JAG1: variants seen among roughly 807,000 people sequenced by gnomAD.
JAG1 encodes protein jagged-1.
In JAG1, 23 loss-of-function variants were observed where a neutral mutation model predicts 148.7. The ratio of observed to expected loss-of-function variants is 0.15; its 90% CI spans 0.11 to 0.22. The LOEUF is 0.22. Ranked by LOEUF, JAG1 falls within the 10% of genes least tolerant of loss-of-function variation. The pLI, the probability that JAG1 is intolerant of heterozygous loss-of-function variation, is 1.00. For synonymous variants in JAG1, 572 were observed against 598.3 expected, an observed-to-expected ratio of 0.96 and a Z score of 0.64; for missense variants, 1,054 against 1,611.2, an observed-to-expected ratio of 0.65 and a Z score of 5.92.
At chr20:10,658,870 AC>A in intron 3 of JAG1, 148 bp from the exon 4 acceptor site, 2 of 788,806 alleles carry the variant, frequency 2.5e-6, no homozygotes, top group Non-Finnish European at 4.1e-6. Flanking sequence ...TTATGCCCCT[AC>A]CCAGAGACAA....
At chr20:10,669,706 C>T (rs6133987) in intron 2 of JAG1, among the ~76,000 whole-genome samples, 26,123 of 151,898 alleles carry the variant, frequency 0.17, 2,762 homozygotes, top group Middle Eastern at 0.31. Flanking sequence ...CTGGGGCCAC[C>T]GATGCAGCAA....
chr20:10,669,266 CTCTT>C (rs1403435512), intron 2 of JAG1, among the ~76,000 whole-genome samples: 3 of 152,084 alleles, frequency 2.0e-5, no homozygotes, highest in Admixed American at 1.3e-4. Context: ...TACACACATG[CTCTT>C]TCTTTGTATA....
chr20:10,647,874 C>A, intron 13 of JAG1, 86 bp downstream of exon 13: 3 of 1,425,244 alleles, frequency 2.1e-6, no homozygotes, highest in Non-Finnish European at 3.0e-6. Context: ...TACATTACTT[C>A]TCAAGTGTAA....
In JAG1 at chr20:10,673,390, AG is replaced by A; in HGVS notation, c.81+59del. 2.4e-6 allele frequency: 3 copies of A among 1,250,776 alleles called. No individual in the cohort carries two copies. The highest frequency in any genetic ancestry group is 3.2e-6 in the Non-Finnish European group (3 of 929,306). 77.5% of individuals were successfully genotyped at this position (1,250,776 alleles called of 1,614,324 possible). A position where few individuals can be genotyped will look rare whatever the true frequency, so the allele number is the denominator to read the frequency against. ...GCCTGCTCGCGGGGCTCAACCGCCCAGGGCGCCGCGAGGGGAGGGAGAGGAC... is the reference window on the plus strand; with the variant it reads ...GCCTGCTCGCGGGGCTCAACCGCCCAGGCGCCGCGAGGGGAGGGAGAGGAC... On this transcript the variant is annotated intron_variant, in intron 1 of 25. Coordinates refer to ENST00000254958, the MANE Select transcript of JAG1 (RefSeq NM_000214.3). This position sits in a 1 kb window ranked among gnomAD's most constrained non-coding sequence, Gnocchi z 4.7.
At position 10,645,123 on chromosome 20, in the gene JAG1, C is replaced by T. The variant is rs2067299133; in HGVS notation, c.2227+20G>A. 1 of 1,591,612 alleles carries T rather than the reference C, an allele frequency of 6.3e-7. No individual in the cohort carries two copies. The highest frequency in any genetic ancestry group is 1.1e-5 in the South Asian group (1 of 90,588). On this transcript the variant is annotated intron_variant, in intron 17 of 25. Coordinates refer to ENST00000254958, the MANE Select transcript of JAG1 (RefSeq NM_000214.3). The surrounding 1 kb of genome is among the most constrained non-coding windows in gnomAD (Gnocchi z 6.1). ...AGGTGGCCATGCCCACTGCAGATCCCACGTGGGGCATAAAGTTACCTATGT... is the reference window on the plus strand; with the variant it reads ...AGGTGGCCATGCCCACTGCAGATCCTACGTGGGGCATAAAGTTACCTATGT...
In JAG1 at chr20:10,648,011, C is replaced by T; in HGVS notation, c.1669G>A (p.Gly557Ser). The T allele has an allele frequency of 6.2e-7, 1 of 1,614,146 alleles. No homozygotes were observed. The highest frequency in any genetic ancestry group is 8.5e-7 in the Non-Finnish European group (1 of 1,180,030). ...YFCKCPEDYE[G>S]KNCSHLKDHC... ...TCTTTCAGGTGTGAGCAGTTCTTGCCCTCATAGTCCTCGGGGCACTTGCAG... is the reference window on the plus strand; with the variant it reads ...TCTTTCAGGTGTGAGCAGTTCTTGCTCTCATAGTCCTCGGGGCACTTGCAG... Residue 557 changes from glycine to serine, a missense_variant, in exon 13 of 26, where the codon GGC becomes AGC. Transcript: ENST00000254958.
intron 5 of JAG1, among the ~76,000 whole-genome samples, chr20:10,654,105 G>T (rs1336670052): frequency 2.6e-5 from 4 of 152,232 alleles, no homozygotes; most frequent in Non-Finnish European, 4.4e-5. Flanking sequence ...CTGAAAGATA[G>T]TAAGAGGGAA....
intron 19 of JAG1, 55 bp from the exon 20 acceptor site, chr20:10,643,918 G>T: frequency 7.5e-7 from 1 of 1,331,580 alleles, no homozygotes; most frequent in Non-Finnish European, 1.1e-6. Context: ...TACTCTGGCT[G>T]CCAATCACTC....
In JAG1 at chr20:10,641,080, G is replaced by A. The variant is rs762679419; in HGVS notation, c.3048+33C>T. On this transcript the variant is annotated intron_variant, in intron 24 of 25. Transcript: ENST00000254958. ...TGGTTAACCGAACTGCCTTGCCATCGAATAATGAGGTGTGAATGGGTCTTA... is the reference window on the plus strand; with the variant it reads ...TGGTTAACCGAACTGCCTTGCCATCAAATAATGAGGTGTGAATGGGTCTTA... 1.2e-5 allele frequency: 20 copies of A among 1,613,732 alleles called. No homozygotes were observed. The East Asian group carries it at 1.3e-4, about 11-fold the overall frequency.
chr20:10,644,276 TCACACACACACACACACACACACA>T, intron 19 of JAG1, 57 bp downstream of exon 19: 3 of 882,910 alleles, frequency 3.4e-6, no homozygotes, highest in South Asian at 1.4e-5. Context: ...TGGGTGATTC[TCACACACACACACACACACACACA>T]CACACACACA....
intron 8 of JAG1, 129 bp from the exon 9 acceptor site, chr20:10,650,489 A>G: frequency 1.4e-6 from 1 of 694,286 alleles, no homozygotes; most frequent in Non-Finnish European, 2.6e-6. Flanking sequence ...GGAAAGCTAC[A>G]GCAGGACAAG....
At chr20:10,655,133 C>A (rs2067370249) in intron 5 of JAG1, among the ~76,000 whole-genome samples, 1 of 152,164 alleles carries the variant, frequency 6.6e-6, no homozygotes, top group South Asian at 2.1e-4. Flanking sequence ...AGAGACAATT[C>A]GGGACAACCA....
intron 3 of JAG1, chr20:10,662,248 A>C (rs1023209446): frequency 1.3e-5 from 2 of 152,104 alleles, no homozygotes; most frequent in African/African-American, 4.8e-5. Context: ...CCCCCCCAGG[A>C]GATGAAACAT....
In JAG1 at chr20:10,646,998, G is replaced by A. The variant is rs199505265; in HGVS notation, c.1826C>T (p.Ser609Leu). The A allele has an allele frequency of 1.0e-4, 164 of 1,614,014 alleles. No homozygotes were observed. The highest frequency in any genetic ancestry group is 1.3e-4 in the Non-Finnish European group (153 of 1,180,002). Residue 609 changes from serine (S) to leucine (L), a missense_variant, in exon 14 of 26, where the codon TCG becomes TTG. Physicochemically the swap from Ser to Leu is moderately radical, Grantham distance 145. Coordinates refer to ENST00000254958, the MANE Select transcript of JAG1 (RefSeq NM_000214.3). ...ACAGTCACAGGTGAATTTGCCTCCC[G>A]ACTGACTCTTGCACTTCCCGTGAGG... Reference protein sequence around the residue: ...CGPHGKCKSQSGGKFTCDCNK... With the variant: ...CGPHGKCKSQLGGKFTCDCNK...
chr20:10,644,423 A>G (rs1785331817), intron 18 of JAG1, 39 bp from the exon 19 acceptor site: 2 of 1,575,792 alleles, frequency 1.3e-6, no homozygotes, highest in Admixed American at 1.7e-5. Context: ...GGACTTCAAC[A>G]GGGAAAGCGG....
At chr20:10,659,732 TTTC>T in intron 3 of JAG1, among the ~76,000 whole-genome samples, 1 of 140,438 alleles carries the variant, frequency 7.1e-6, no homozygotes, top group Non-Finnish European at 1.5e-5. Context: ...GAGGGGAGGG[TTTC>T]TTTTTTCTTT....
intron 3 of JAG1, among the ~76,000 whole-genome samples, chr20:10,659,130 C>G (rs987191623): frequency 1.3e-5 from 2 of 152,234 alleles, no homozygotes; most frequent in African/African-American, 4.8e-5. Context: ...TGTCCACAGT[C>G]TCAAACTACC....
chr20:10,657,264 G>T (rs915816154), intron 4 of JAG1, among the ~76,000 whole-genome samples: 1 of 151,678 alleles, frequency 6.6e-6, no homozygotes, highest in African/African-American at 2.4e-5. Context: ...GGAGGCTGAG[G>T]CAGGAGGATC....
rs576007775 is a variant in JAG1, at chr20:10,637,887, C to T, written c.*1611G>A. 2.0e-4 allele frequency: 31 copies of T among 152,694 alleles called. No individual in the cohort carries two copies. Among genetic ancestry groups the T allele is most frequent in the African/African-American group, 6.3e-4 (26 of 41,576 alleles). 9.5% of individuals were successfully genotyped at this position (152,694 alleles called of 1,614,324 possible). A position where few individuals can be genotyped will look rare whatever the true frequency, so the allele number is the denominator to read the frequency against. ...CTGTCAGGCAGAGCCTATTATACCC[C>T]GATTACCAGAACAGACTCAGCAGGG... On this transcript the variant is annotated 3_prime_UTR_variant, in exon 26 of 26. Transcript: ENST00000254958.
Sources: allele counts gnomAD v4.1 joint callset (sites outside exome capture counted in the v4.1 genomes callset), GRCh38; gene constraint gnomAD v4.1.1; non-coding constraint Gnocchi (gnomAD v3.1); transcripts MANE v1.5; gene names NCBI Gene and HGNC (gene_info 2026-07-23, HGNC 2026-07-21).